RB1CC1: variants seen among roughly 807,000 people sequenced by gnomAD.
RB1CC1 encodes the protein RB1-inducible coiled-coil protein 1.
In RB1CC1, 46 loss-of-function variants were observed where a neutral mutation model predicts 177.5. The ratio of observed to expected loss-of-function variants is 0.26; its 90% CI spans 0.20 to 0.33. RB1CC1 has a LOEUF of 0.33. Among genes scored for constraint, RB1CC1 ranks in the 10% least tolerant of loss-of-function variants. The pLI is 1.00. For missense variants in RB1CC1, 1,703 were observed against 1,816.3 expected, an observed-to-expected ratio of 0.94 and a Z score of 1.13; for synonymous variants, 666 against 613.6, an observed-to-expected ratio of 1.09 and a Z score of -1.26.
chr8:52,673,761 C>T (rs1320266398), intron 7 of RB1CC1, 84 bp downstream of exon 7: 4 of 1,255,166 alleles, frequency 3.2e-6, no homozygotes, highest in Non-Finnish European at 4.3e-6. Flanking sequence ...AGGTAATACC[C>T]ATTCTCTCAG....
In RB1CC1 at chr8:52,686,986, T is replaced by G. The variant is rs1224663126; in HGVS notation, c.-166-19A>C. The G allele has an allele frequency of 2.2e-6, 1 of 455,824 alleles. No individual in the cohort carries two copies. The highest frequency in any genetic ancestry group is 2.0e-5 in the African/African-American group (1 of 49,986). The allele number at this position is 455,824 out of a possible 1,614,324, so 28.2% of individuals were successfully genotyped here. A position where few individuals can be genotyped will look rare whatever the true frequency, so the allele number is the denominator to read the frequency against. ...CAGAAAACTGGAAAAGAAAAATTTCTGGTTATAAAGAGAAACAATTCAGTA... is the reference window on the plus strand; with the variant it reads ...CAGAAAACTGGAAAAGAAAAATTTCGGGTTATAAAGAGAAACAATTCAGTA... On this transcript the variant is annotated intron_variant, in intron 1 of 23. Transcript: ENST00000025008.
At chr8:52,653,142 T>C (rs910555514) in intron 15 of RB1CC1, among the ~76,000 whole-genome samples, 2 of 152,224 alleles carry the variant, frequency 1.3e-5, no homozygotes, top group Admixed American at 6.5e-5. Context: ...GCAGGTATAC[T>C]GGAAGGGATT....
intron 15 of RB1CC1, among the ~76,000 whole-genome samples, chr8:52,649,505 T>A (rs1156916222): frequency 6.6e-6 from 1 of 152,192 alleles, no homozygotes; most frequent in East Asian, 1.9e-4. Flanking sequence ...AAATGGGGCC[T>A]AGTAAACAAT....
rs761616605 is a variant in RB1CC1, at chr8:52,656,316, G to T, written c.3513C>A (p.Asn1171Lys). 15 of 1,612,400 alleles carry T rather than the reference G, an allele frequency of 9.3e-6. No homozygotes were observed. The African/African-American group carries it at 1.6e-4, about 17-fold the overall frequency. The change falls in exon 15 of 24, where the codon AAC becomes AAA. Residue 1171 changes from asparagine to lysine, a missense_variant. Asn to Lys is a moderately conservative substitution (Grantham distance 94). Transcript: ENST00000025008. ...LHNQAFEIEK[N>K]LKEQIIELQS... ...GCAGTTCAATTATTTGTTCTTTTAG[G>T]TTTTTTTCTATTTCAAATGCTTGGT...
intron 1 of RB1CC1, among the ~76,000 whole-genome samples, chr8:52,703,388 A>C (rs545038161): frequency 6.6e-6 from 1 of 152,290 alleles, no homozygotes; most frequent in African/African-American, 2.4e-5. Context: ...CAAACTAAAA[A>C]TGCTTCATAA....
chr8:52,628,233 A>T (rs1376747950), intron 21 of RB1CC1, 65 bp from the exon 22 acceptor site: 6 of 1,452,770 alleles, frequency 4.1e-6, no homozygotes, highest in Non-Finnish European at 5.7e-6. Context: ...CTGAAAACTT[A>T]GCATATATAC....
At chr8:52,627,301 C>T (rs1185605380) in intron 22 of RB1CC1, among the ~76,000 whole-genome samples, 4 of 152,104 alleles carry the variant, frequency 2.6e-5, no homozygotes, top group South Asian at 4.1e-4. Context: ...GAGCTGAGAT[C>T]GTGCCACCGC....
At chr8:52,692,595 T>C (rs113826345) in intron 1 of RB1CC1, among the ~76,000 whole-genome samples, 26 of 152,246 alleles carry the variant, frequency 1.7e-4, no homozygotes, top group East Asian at 7.7e-4. Flanking sequence ...AAGAAAGTTG[T>C]AAAAACTTAA....
intron 5 of RB1CC1, among the ~76,000 whole-genome samples, chr8:52,680,177 C>A (rs1019016776): frequency 6.6e-6 from 1 of 151,994 alleles, no homozygotes; most frequent in Non-Finnish European, 1.5e-5. Flanking sequence ...AAACTAAATG[C>A]AGAAAAACTT....
At chr8:52,641,301 T>C (rs1046356166) in intron 18 of RB1CC1, among the ~76,000 whole-genome samples, 2 of 149,136 alleles carry the variant, frequency 1.3e-5, no homozygotes, top group Non-Finnish European at 1.5e-5. Flanking sequence ...GAAGAATCAC[T>C]TGAACCCAGG....
At chr8:52,708,347 T>C (rs889708067) in intron 1 of RB1CC1, among the ~76,000 whole-genome samples, 1 of 152,128 alleles carries the variant, frequency 6.6e-6, no homozygotes, top group Non-Finnish European at 1.5e-5. Context: ...AAACCCCGTC[T>C]CTGCTAAAAA....
At chr8:52,683,147 T>C (rs1307961013) in intron 5 of RB1CC1, among the ~76,000 whole-genome samples, 2 of 152,184 alleles carry the variant, frequency 1.3e-5, no homozygotes, top group African/African-American at 2.4e-5. Flanking sequence ...TTAAGAGCTA[T>C]ATATTAGAAA....
At chr8:52,625,102 C>T (rs747922334) in intron 22 of RB1CC1, among the ~76,000 whole-genome samples, 4 of 152,112 alleles carry the variant, frequency 2.6e-5, no homozygotes, top group African/African-American at 4.8e-5. Context: ...GAATTCTAGG[C>T]TAACTCAGTA....
At chr8:52,687,898 A>G (rs1276288755) in intron 1 of RB1CC1, among the ~76,000 whole-genome samples, 2 of 152,214 alleles carry the variant, frequency 1.3e-5, no homozygotes, top group Non-Finnish European at 2.9e-5. Context: ...TATCACAGGG[A>G]TATTAGGAGG....
chr8:52,637,816 G>T (rs1179486217), intron 18 of RB1CC1, among the ~76,000 whole-genome samples: 3 of 151,962 alleles, frequency 2.0e-5, no homozygotes, highest in African/African-American at 4.8e-5. Flanking sequence ...AATTACAGGT[G>T]CCCACCACCA....
chr8:52,688,044 T>C (rs1328051106), intron 1 of RB1CC1, among the ~76,000 whole-genome samples: 6 of 152,230 alleles, frequency 3.9e-5, no homozygotes, highest in Non-Finnish European at 7.3e-5. Flanking sequence ...TGCCTGTCTT[T>C]AATCTCTTAA....
chr8:52,653,462 A>G (rs1850797730), intron 15 of RB1CC1, among the ~76,000 whole-genome samples: 1 of 152,188 alleles, frequency 6.6e-6, no homozygotes, highest in Admixed American at 6.5e-5. Flanking sequence ...TGAACCGGTT[A>G]AAGACCTACT....
At position 52,712,146 on chromosome 8, in the gene RB1CC1, C is replaced by T. The variant is rs928788106; in HGVS notation, c.-167+1929G>A. ...CGTGAAAGTGTGTTGAAAGGGACTG[C>T]TAGATTTTCAAAGTGTCTTAGGCCA... On this transcript the variant is annotated intron_variant, in intron 1 of 23. Coordinates refer to ENST00000025008, the MANE Select transcript of RB1CC1 (RefSeq NM_014781.5). 3.9e-5 allele frequency among the ~76,000 whole-genome samples: 6 copies of T among 152,098 alleles called. No individual in the cohort carries two copies. In the South Asian group the frequency reaches 1.2e-3, roughly 32 times the overall value.
At chr8:52,713,050 T>C (rs1857186763) in intron 1 of RB1CC1, among the ~76,000 whole-genome samples, 1 of 152,218 alleles carries the variant, frequency 6.6e-6, no homozygotes, top group South Asian at 2.1e-4. Flanking sequence ...TCTTCCTAAA[T>C]TGCTAACTGT....
Sources: gnomAD v4.1 joint callset for allele counts (sites outside exome capture counted in the v4.1 genomes callset) on GRCh38, gnomAD v4.1.1 for gene constraint, MANE v1.5 for transcripts, NCBI Gene and HGNC (gene_info 2026-07-23, HGNC 2026-07-21) for gene names.